Variants in FAM168A observed in about 807,000 individuals in gnomAD.
FAM168A encodes family with sequence similarity 168 member A, also known as protein FAM168A.
A neutral mutation model predicts 28.5 loss-of-function variants in FAM168A; 3 were observed. That is an observed-to-expected ratio of 0.11 (90% confidence interval 0.05 to 0.27). The LOEUF is 0.27. FAM168A is among the 10% of genes least tolerant of loss of function. The pLI is 1.00. For missense variants in FAM168A, 222 were observed against 311.5 expected, an observed-to-expected ratio of 0.71 and a Z score of 2.16; for synonymous variants, 122 against 124.2, an observed-to-expected ratio of 0.98 and a Z score of 0.12.
In FAM168A at chr11:73,523,642, C is replaced by T. The variant is rs956636774; in HGVS notation, c.-18-55150G>A. Among the ~76,000 whole-genome samples the T allele has an allele frequency of 4.0e-5, 6 of 151,750 alleles. No individual in the cohort carries two copies. The East Asian group carries it at 5.8e-4, about 15-fold the overall frequency. ...TTCTGTTTTTGTAGGGACGGGGTTT[C>T]GCCACGTTGCCCAGGCTGGTCTCAA... On this transcript the variant is annotated intron_variant, in intron 1 of 7. Transcript: ENST00000356467.
At chr11:73,597,821 C>A (rs921073673) in intron 1 of FAM168A, 102 bp downstream of exon 1, 5 of 152,282 alleles carry the variant, frequency 3.3e-5, no homozygotes, top group East Asian at 1.9e-4. Flanking sequence ...CCCCCTCCCC[C>A]CAACCTGCAC....
intron 1 of FAM168A, among the ~76,000 whole-genome samples, chr11:73,541,467 G>A (rs1162322947): frequency 4.0e-5 from 6 of 151,448 alleles, no homozygotes; most frequent in Non-Finnish European, 8.8e-5. Flanking sequence ...CCTCCTCCCG[G>A]GTTCACACCA....
chr11:73,511,053 G>A (rs185860418), intron 1 of FAM168A, among the ~76,000 whole-genome samples: 84 of 152,054 alleles, frequency 5.5e-4, no homozygotes, highest in African/African-American at 1.3e-3. Flanking sequence ...AAGGAACCTC[G>A]TGGCCCAGAA....
intron 1 of FAM168A, among the ~76,000 whole-genome samples, chr11:73,472,307 G>A (rs1026075622): frequency 6.6e-6 from 1 of 152,204 alleles, no homozygotes; most frequent in African/African-American, 2.4e-5. Flanking sequence ...GGAGATCTCT[G>A]AGAAGAAACT....
chr11:73,438,338 G>A (rs1255711989), intron 2 of FAM168A, among the ~76,000 whole-genome samples: 2 of 152,174 alleles, frequency 1.3e-5, no homozygotes, highest in Admixed American at 6.5e-5. Flanking sequence ...TAGAATAGTT[G>A]GGAAAGGCTT....
intron 1 of FAM168A, among the ~76,000 whole-genome samples, chr11:73,489,149 G>C (rs2134605639): frequency 6.6e-6 from 1 of 152,230 alleles, no homozygotes; most frequent in East Asian, 1.9e-4. Context: ...AAAGTGCTGG[G>C]ATTACATAGG....
intron 1 of FAM168A, among the ~76,000 whole-genome samples, chr11:73,483,600 A>G (rs501953): frequency 0.39 from 59,215 of 152,036 alleles, 13,324 homozygotes; most frequent in African/African-American, 0.63. Context: ...GGAAATGAAG[A>G]TCTGAACTAG....
chr11:73,506,807 T>TA (rs1157610023), intron 1 of FAM168A, among the ~76,000 whole-genome samples: 1 of 152,132 alleles, frequency 6.6e-6, no homozygotes, highest in Non-Finnish European at 1.5e-5. Context: ...CAATAAACAT[T>TA]AAGTACTAAT....
At chr11:73,490,938 T>C (rs1207776731) in intron 1 of FAM168A, among the ~76,000 whole-genome samples, 1 of 152,180 alleles carries the variant, frequency 6.6e-6, no homozygotes, top group African/African-American at 2.4e-5. Flanking sequence ...ATCCAGAATA[T>C]TGATCACTCT....
intron 2 of FAM168A, among the ~76,000 whole-genome samples, chr11:73,460,169 C>T (rs1470894256): frequency 5.9e-5 from 9 of 151,728 alleles, no homozygotes; most frequent in Admixed American, 3.3e-4. Flanking sequence ...CGTGAGCCAC[C>T]GCACCCGGCC....
At chr11:73,462,793 G>A (rs1867670059) in intron 2 of FAM168A, among the ~76,000 whole-genome samples, 1 of 151,838 alleles carries the variant, frequency 6.6e-6, no homozygotes, top group Non-Finnish European at 1.5e-5. Context: ...GAACCTGGGA[G>A]GCGGAGGTTG....
intron 1 of FAM168A, among the ~76,000 whole-genome samples, chr11:73,480,723 C>CA (rs1264442224): frequency 1.6e-5 from 2 of 128,784 alleles, no homozygotes; most frequent in African/African-American, 2.6e-5. Context: ...AACAAACAAA[C>CA]AACAACAACA....
At chr11:73,588,651 G>C (rs1441281051) in intron 1 of FAM168A, among the ~76,000 whole-genome samples, 1 of 152,102 alleles carries the variant, frequency 6.6e-6, no homozygotes, top group East Asian at 1.9e-4. Context: ...AGTGAGTCGT[G>C]AATGCACCAC....
chr11:73,502,995 A>G (rs1261983463), intron 1 of FAM168A, among the ~76,000 whole-genome samples: 2 of 152,178 alleles, frequency 1.3e-5, no homozygotes, highest in African/African-American at 4.8e-5. Context: ...TTGATGGAAC[A>G]TATCTCAAAA....
At chr11:73,487,442 C>A (rs2134603306) in intron 1 of FAM168A, among the ~76,000 whole-genome samples, 1 of 152,268 alleles carries the variant, frequency 6.6e-6, no homozygotes, top group Non-Finnish European at 1.5e-5. Flanking sequence ...AATCTCACAT[C>A]ATCAGATTCA....
At chr11:73,557,265 C>T (rs893596559) in intron 1 of FAM168A, among the ~76,000 whole-genome samples, 1 of 152,160 alleles carries the variant, frequency 6.6e-6, no homozygotes, top group Admixed American at 6.5e-5. Context: ...TATTATTCTA[C>T]TCATATGAGA....
chr11:73,465,964 GGAGAGA>G (rs3073508), intron 2 of FAM168A, among the ~76,000 whole-genome samples: 2 of 149,454 alleles, frequency 1.3e-5, no homozygotes, highest in African/African-American at 4.9e-5. Context: ...GCTTTAAAAG[GGAGAGA>G]GAGAGAGAGA....
At position 73,561,691 on chromosome 11, in the gene FAM168A, T is replaced by C. The variant is rs551609691; in HGVS notation, c.-19+36232A>G. Among the ~76,000 whole-genome samples, 7 of 152,316 alleles carry C rather than the reference T, an allele frequency of 4.6e-5. No homozygotes were observed. In the South Asian group the frequency reaches 1.2e-3, roughly 27 times the overall value. ...CTCTTTTTTTAAGCATCTGATCATA[T>C]AAGTAGAGTCATTCACTTTTTTGTT... On this transcript the variant is annotated intron_variant, in intron 1 of 7. Transcript: ENST00000356467.
At chr11:73,457,936 T>C (rs1182425328) in intron 2 of FAM168A, among the ~76,000 whole-genome samples, 1 of 152,072 alleles carries the variant, frequency 6.6e-6, no homozygotes, top group African/African-American at 2.4e-5. Flanking sequence ...AAAATAATAA[T>C]AGCTCTCCCT....
Sources: gnomAD v4.1 joint callset for allele counts (sites outside exome capture counted in the v4.1 genomes callset) on GRCh38, gnomAD v4.1.1 for gene constraint, MANE v1.5 for transcripts, NCBI Gene and HGNC (gene_info 2026-07-23, HGNC 2026-07-21) for gene names.